PRDM8: variants seen among roughly 807,000 people sequenced by gnomAD.
PRDM8 encodes the protein PR/SET domain 8.
In PRDM8, 13 loss-of-function variants were observed where a neutral mutation model predicts 46.5. That is an observed-to-expected ratio of 0.28 (90% CI 0.18 to 0.44). PRDM8 has a LOEUF of 0.44. PRDM8 is among the 20% of genes least tolerant of loss of function. PRDM8 has a pLI of 1.00. For missense variants in PRDM8, 998 were observed against 955.0 expected (o/e 1.04, Z -0.59); for synonymous variants, 473 against 438.4 (o/e 1.08, Z -0.98).
chr4:80,194,424 A>G (rs928412926), upstream of PRDM8, among the ~76,000 whole-genome samples: 1 of 152,232 alleles, frequency 6.6e-6, no homozygotes, highest in Admixed American at 6.5e-5. Context: ...TTCATTTAGT[A>G]TCAGTGAATT....
chr4:80,187,182 G>A (rs1327548262), intron 1 of PRDM8, among the ~76,000 whole-genome samples: 1 of 149,504 alleles, frequency 6.7e-6, no homozygotes. Context: ...TCAGGGTAGT[G>A]GACTAAGAGC....
Position 80,202,963 on chromosome 4 carries a change from T to G in PRDM8, c.1501T>G (p.Phe501Val), listed in dbSNP as rs1578266205. Residue 501 changes from phenylalanine to valine, a missense_variant, in exon 4 of 4, where the codon TTC (phenylalanine) becomes GTC (valine). Physicochemically the swap from Phe to Val is conservative, Grantham distance 50 (BLOSUM62 -1). Transcript: ENST00000415738. The stretch of plus-strand genomic sequence containing the variant: ...CGCGTCGGACGAGCGCAAAAGCGCC[T>G]TCTCGCAGCCAGCACGCTCTTTCTC... ...GAASDERKSAFSQPARSFSQL... is the reference protein window; with the variant it reads ...GAASDERKSAVSQPARSFSQL... 1 of 1,488,790 alleles carries G rather than the reference T, an allele frequency of 6.7e-7. No homozygotes were observed. The highest frequency in any genetic ancestry group is 8.9e-7 in the Non-Finnish European group (1 of 1,127,806). The allele number at this position is 1,488,790 out of a possible 1,614,324, so 92.2% of individuals were successfully genotyped here. A position where few individuals can be genotyped will look rare whatever the true frequency, so the allele number is the denominator to read the frequency against.
intron 1 of PRDM8, among the ~76,000 whole-genome samples, chr4:80,189,333 T>G (rs987258451): frequency 6.6e-6 from 1 of 151,776 alleles, no homozygotes; most frequent in African/African-American, 2.4e-5. Flanking sequence ...AGAAAGAACT[T>G]GCAAGCTGGG....
Position 80,203,111 on chromosome 4 carries a change from A to C in PRDM8, c.1649A>C (p.Gln550Pro). 6.4e-7 allele frequency: 1 copy of C among 1,569,250 alleles called. No homozygotes were observed. Among genetic ancestry groups the C allele is most frequent in the Middle Eastern group, 1.8e-4 (1 of 5,558 alleles). ...AAADPLAVKL[Q>P]GAADLNGGCG... is the part of the protein sequence containing the mutation. ...GCGGACCCTCTAGCGGTGAAGCTCCAGGGGGCCGCGGACCTGAACGGAGGT... is the reference window on the plus strand; with the variant it reads ...GCGGACCCTCTAGCGGTGAAGCTCCCGGGGGCCGCGGACCTGAACGGAGGT... Residue 550 changes from glutamine (Q) to proline (P), a missense_variant, in exon 4 of 4, where the codon CAG (glutamine) becomes CCG (proline). Gln to Pro is a moderately conservative substitution (Grantham distance 76). Transcript: ENST00000415738.
At chr4:80,201,557 C>G in intron 3 of PRDM8, 36 bp downstream of exon 3, 4 of 1,591,948 alleles carry the variant, frequency 2.5e-6, no homozygotes, top group Non-Finnish European at 3.4e-6. Context: ...GGGCCCTTAA[C>G]TAGCGGGGGA....
At chr4:80,190,110 G>T (rs968886029) in intron 1 of PRDM8, 1 of 152,262 alleles carries the variant, frequency 6.6e-6, no homozygotes, top group African/African-American at 2.4e-5. Context: ...TAAGAAATGG[G>T]AACACAGGCT....
intron 2 of PRDM8, 150 bp from the exon 3 acceptor site, chr4:80,201,140 T>G: frequency 1.5e-6 from 1 of 686,004 alleles, no homozygotes; most frequent in Non-Finnish European, 2.5e-6. Context: ...AGGTCCCAGC[T>G]TGGGCCAAAC....
chr4:80,186,246 A>T (rs1485091827), intron 1 of PRDM8, among the ~76,000 whole-genome samples: 1 of 151,608 alleles, frequency 6.6e-6, no homozygotes, highest in African/African-American at 2.4e-5. Flanking sequence ...CCTCCCTACT[A>T]GCGGGTAAAC....
chr4:80,185,469 A>C (rs1426308273), exon 1 of PRDM8: 1 of 152,318 alleles, frequency 6.6e-6, no homozygotes, highest in Non-Finnish European at 1.5e-5. Flanking sequence ...CCTGAAGTGG[A>C]GCAGACTCAC....
chr4:80,200,892 A>G (rs566537528), intron 2 of PRDM8, among the ~76,000 whole-genome samples: 1 of 152,364 alleles, frequency 6.6e-6, no homozygotes, highest in South Asian at 2.1e-4. Context: ...TGATTGCCAT[A>G]GCATAATTTC....
At chr4:80,190,168 A>G (rs1031921825) in intron 1 of PRDM8, 8 of 152,296 alleles carry the variant, frequency 5.3e-5, no homozygotes, top group African/African-American at 1.2e-4. Flanking sequence ...GAGGTCGTGC[A>G]CAGAGGCAGG....
chr4:80,202,734 G>C lies in PRDM8; in HGVS notation c.1272G>C (p.Thr424=), dbSNP rs1167938560. Residue 424 remains threonine, a synonymous_variant, in exon 4 of 4, where the codon ACG becomes ACC. Transcript: ENST00000415738. ...CTGGCGGCGGCGGCGGCTCCTCCAC[G>C]CCCGCGGCCGCGTCACCGGTGGGCG... ...QDAGGGGGSS[T]PAAASPVGAE... is the part of the protein sequence containing the mutation. 1.5e-6 allele frequency: 2 copies of C among 1,298,236 alleles called. No homozygotes were observed. The highest frequency in any genetic ancestry group is 4.9e-5 in the South Asian group (2 of 40,768). 80.4% of individuals were successfully genotyped at this position (1,298,236 alleles called of 1,614,324 possible).
At chr4:80,196,171 G>T, upstream of PRDM8, 1 of 925,722 alleles carries the variant, frequency 1.1e-6, no homozygotes, top group Non-Finnish European at 1.3e-6. Context: ...TTCAACACTA[G>T]GAAAAACAAC....
Position 80,202,099 on chromosome 4 carries a change from C to T in PRDM8, c.637C>T (p.Gln213Ter). 1 of 1,601,070 alleles carries T rather than the reference C, an allele frequency of 6.2e-7. No individual in the cohort carries two copies. Residue 213 changes from glutamine to a stop codon, truncating the protein, a stop_gained, in exon 4 of 4, where the codon CAG becomes TAG. Transcript: ENST00000415738. LOFTEE classifies it high-confidence loss of function. The stretch of plus-strand genomic sequence containing the variant: ...CGGCGGCGGCGGTGGCAAAGACCAG[C>T]AGCAGCAGCAGCAGGAGGCACCTTT... Reference protein sequence around the residue: ...GGGGGGGKDQQQQQQEAPLGP... With the variant: ...GGGGGGGKDQ
Position 80,202,197 on chromosome 4 carries a change from C to G in PRDM8, c.735C>G (p.Asn245Lys). ...HYPSPSPESS[N>K]PSAAAGGSSA... Reference sequence around the variant, plus strand: ...CATCCCCCTCCCCGGAAAGCAGCAACCCATCCGCTGCCGCCGGCGGCAGCA... The same window carrying G: ...CATCCCCCTCCCCGGAAAGCAGCAAGCCATCCGCTGCCGCCGGCGGCAGCA... The change falls in exon 4 of 4, where the codon AAC (asparagine) becomes AAG (lysine). Residue 245 changes from asparagine to lysine, a missense_variant. Asn to Lys is a moderately conservative substitution (Grantham distance 94, BLOSUM62 0). Coordinates refer to ENST00000415738, the MANE Select transcript of PRDM8 (RefSeq NM_001099403.2). The G allele has an allele frequency of 6.2e-7, 1 of 1,612,092 alleles. No individual in the cohort carries two copies. The highest frequency in any genetic ancestry group is 1.3e-5 in the African/African-American group (1 of 74,880).
intron 3 of PRDM8, 141 bp from the exon 4 acceptor site, chr4:80,201,773 C>A: frequency 7.7e-7 from 1 of 1,291,386 alleles, no homozygotes; most frequent in Non-Finnish European, 1.1e-6. Flanking sequence ...TTCTCAGGCA[C>A]TCAGGCCCTG....
At chr4:80,196,999 A>G (rs1738009425), upstream of PRDM8, 1 of 985,308 alleles carries the variant, frequency 1.0e-6, no homozygotes, top group Non-Finnish European at 1.2e-6. Flanking sequence ...CTGAAGAGAG[A>G]CGACGCCCGT....
upstream of PRDM8, among the ~76,000 whole-genome samples, chr4:80,194,778 A>G (rs1187423945): frequency 6.6e-6 from 1 of 152,212 alleles, no homozygotes; most frequent in Admixed American, 6.5e-5. Context: ...CAAAAAAGTG[A>G]AACTGAAATG....
At position 80,202,095 on chromosome 4, in the gene PRDM8, C is replaced by T. The variant is rs1560476605; in HGVS notation, c.633C>T (p.Asp211=). 1 of 1,543,832 alleles carries T rather than the reference C, an allele frequency of 6.5e-7. No homozygotes were observed. The highest frequency in any genetic ancestry group is 1.5e-5 in the African/African-American group (1 of 67,746). ...GGGGCGGCGGCGGCGGTGGCAAAGA[C>T]CAGCAGCAGCAGCAGCAGGAGGCAC... ...DHGGGGGGGK[D]QQQQQQEAPL... Residue 211 remains aspartate (D), a synonymous_variant, in exon 4 of 4, where the codon GAC becomes GAT. Transcript: ENST00000415738.
Sources: gnomAD v4.1 joint callset for allele counts (sites outside exome capture counted in the v4.1 genomes callset) on GRCh38, gnomAD v4.1.1 for gene constraint, MANE v1.5 for transcripts, NCBI Gene and HGNC (gene_info 2026-07-23, HGNC 2026-07-21) for gene names.